LRP1: variants seen among roughly 807,000 people sequenced by gnomAD.
The protein encoded by LRP1 is LDL receptor related protein 1, also known as prolow-density lipoprotein receptor-related protein 1.
LRP1 carries 51 observed loss-of-function variants against 541.5 expected under a neutral mutation model. The ratio of observed to expected loss-of-function variants is 0.09; its 90% CI spans 0.08 to 0.12. The LOEUF is 0.12. Ranked by LOEUF, LRP1 falls within the 10% of genes least tolerant of loss-of-function variation. LRP1 has a pLI of 1.00. For synonymous variants in LRP1, 2,219 were observed against 2,470.8 expected (o/e 0.90, Z 3.02); for missense variants, 3,878 against 6,376.2 (o/e 0.61, Z 13.34).
Position 57,194,970 on chromosome 12 carries a change from T to C in LRP1, c.8192-15T>C. Reference sequence around the variant, plus strand: ...CCACCCTTCCCCATCTAACTGTGGCTTCTGACTGCCCCAGACAAGTTCTGC... The same window carrying C: ...CCACCCTTCCCCATCTAACTGTGGCCTCTGACTGCCCCAGACAAGTTCTGC... On this transcript the variant is annotated splice_polypyrimidine_tract_variant and intron_variant, in intron 50 of 88. Transcript: ENST00000243077. 6.2e-7 allele frequency: 1 copy of C among 1,605,648 alleles called. No individual in the cohort carries two copies. The highest frequency in any genetic ancestry group is 8.5e-7 in the Non-Finnish European group (1 of 1,172,534).
In LRP1 at chr12:57,206,445, C is replaced by T; in HGVS notation, c.11591-28C>T. The stretch of plus-strand genomic sequence containing the variant: ...TGGGGTGCACACCTGCATCCCACAG[C>T]CCCAGCCCTGGCCTCTTGCTTCTCC... On this transcript the variant is annotated intron_variant, in intron 75 of 88. Coordinates refer to ENST00000243077, the MANE Select transcript of LRP1 (RefSeq NM_002332.3). The surrounding 1 kb of genome is among the most constrained non-coding windows in gnomAD (Gnocchi z 4.7). 6.2e-7 allele frequency: 1 copy of T among 1,610,802 alleles called. No homozygotes were observed. The highest frequency in any genetic ancestry group is 8.5e-7 in the Non-Finnish European group (1 of 1,178,208).
chr12:57,199,164 G>A, intron 60 of LRP1, 48 bp from the exon 61 acceptor site: 3 of 1,587,858 alleles, frequency 1.9e-6, no homozygotes, highest in East Asian at 2.2e-5. Context: ...CCGGCACCCT[G>A]TCCGAGCTCC....
chr12:57,176,102 C>T lies in LRP1; in HGVS notation c.3987C>T (p.Asn1329=), dbSNP rs1424640575. 2.5e-6 allele frequency: 4 copies of T among 1,613,718 alleles called. No homozygotes were observed. The highest frequency in any genetic ancestry group is 2.7e-5 in the African/African-American group (2 of 74,944). ...TCTACCGCGGGAAGCTGCTGGACAA[C>T]GGAGGTGACCACCGATTGCTGCCAG... The part of the protein sequence containing the change: ...DKIYRGKLLD[N]GALTSFEVVI... The change falls in exon 24 of 89, where the codon AAC becomes AAT. Residue 1329 remains asparagine (N), a synonymous_variant. Coordinates refer to ENST00000243077, the MANE Select transcript of LRP1 (RefSeq NM_002332.3).
Position 57,209,144 on chromosome 12 carries a change from C to T in LRP1, c.12207C>T (p.Ile4069=), listed in dbSNP as rs367726722. The T allele has an allele frequency of 6.2e-6, 10 of 1,613,984 alleles. No individual in the cohort carries two copies. Among genetic ancestry groups the T allele is most frequent in the African/African-American group, 2.7e-5 (2 of 74,930 alleles). ...GGGCAGACGCCAAGCTTTCAGTCAT[C>T]GGCAGCATCCGGCTCAATGGCACGG... The part of the protein sequence containing the change: ...LYWADAKLSV[I]GSIRLNGTDP... The change falls in exon 79 of 89, where the codon ATC becomes ATT. Residue 4069 remains isoleucine, a synonymous_variant. Coordinates refer to ENST00000243077, the MANE Select transcript of LRP1 (RefSeq NM_002332.3).
intron 1 of LRP1, among the ~76,000 whole-genome samples, chr12:57,133,264 C>T (rs2035076455): frequency 6.6e-6 from 1 of 151,052 alleles, no homozygotes; most frequent in Admixed American, 6.6e-5. Context: ...ATATGGTGAC[C>T]TCTGGAGGCC....
chr12:57,191,099 A>G (rs917027581), intron 43 of LRP1, 90 bp downstream of exon 43: 2 of 1,385,558 alleles, frequency 1.4e-6, no homozygotes, highest in African/African-American at 1.4e-5. Flanking sequence ...AGGCACAGAC[A>G]TGGTGGGAAC....
chr12:57,193,662 G>T lies in LRP1; in HGVS notation c.7781G>T (p.Gly2594Val). The change falls in exon 47 of 89, where the codon GGC (glycine) becomes GTC (valine). Residue 2594 changes from glycine (G) to valine (V), a missense_variant. Gly to Val is a moderately radical substitution (Grantham distance 109). Around this residue, in one of 13 missense-constraint regions of LRP1, gnomAD observed 1,100 missense variants for 1,827.4 expected, o/e 0.60. Coordinates refer to ENST00000243077, the MANE Select transcript of LRP1 (RefSeq NM_002332.3). ...AACGGGGCCGACGACTGTGGGGATG[G>T]CTCTGACGAGATCCCTTGCAACAGT... is the stretch of plus-strand genomic sequence containing the variant. Reference protein sequence around the residue: ...WCNGADDCGDGSDEIPCNKTA... With the variant: ...WCNGADDCGDVSDEIPCNKTA... 2 of 1,614,160 alleles carry T rather than the reference G, an allele frequency of 1.2e-6. No individual in the cohort carries two copies. Among genetic ancestry groups the T allele is most frequent in the Non-Finnish European group, 1.7e-6 (2 of 1,180,030 alleles).
Position 57,204,758 on chromosome 12 carries a change from G to A in LRP1, c.11194+9G>A. On this transcript the variant is annotated intron_variant, in intron 72 of 88. Transcript: ENST00000243077. The surrounding 1 kb of genome is among the most constrained non-coding windows in gnomAD (Gnocchi z 5.3). ...TGATGAAGAGGACTGTGGTGAGCAG[G>A]GGGCCGACGAGAGGCCTGCAGGGGA... The A allele has an allele frequency of 6.2e-7, 1 of 1,613,724 alleles. No individual in the cohort carries two copies. The highest frequency in any genetic ancestry group is 8.5e-7 in the Non-Finnish European group (1 of 1,179,886).
rs948134674 is a variant in LRP1, at chr12:57,182,771, G to A, written c.5663-608G>A. ...GCGGAGGTTGTGGTGAGCCGAGATCGCGTCATTGTACTGCAGCCTGGGGAA... is the reference window on the plus strand; with the variant it reads ...GCGGAGGTTGTGGTGAGCCGAGATCACGTCATTGTACTGCAGCCTGGGGAA... On this transcript the variant is annotated intron_variant, in intron 34 of 88. Coordinates refer to ENST00000243077, the MANE Select transcript of LRP1 (RefSeq NM_002332.3). Among the ~76,000 whole-genome samples, 6 of 152,072 alleles carry A rather than the reference G, an allele frequency of 3.9e-5. No individual in the cohort carries two copies. In the East Asian group the frequency reaches 5.8e-4, roughly 15 times the overall value.
Position 57,205,282 on chromosome 12 carries a change from G to A in LRP1, c.11335+33G>A. The A allele has an allele frequency of 6.3e-7, 1 of 1,599,380 alleles. No individual in the cohort carries two copies. The highest frequency in any genetic ancestry group is 8.5e-7 in the Non-Finnish European group (1 of 1,170,542). ...CCGGCAGCGGACCGGACGCTGGTGGGGAGTGGGGAGAGCCAAGCCCTGGCC... is the reference window on the plus strand; with the variant it reads ...CCGGCAGCGGACCGGACGCTGGTGGAGAGTGGGGAGAGCCAAGCCCTGGCC... On this transcript the variant is annotated intron_variant, in intron 73 of 88. Coordinates refer to ENST00000243077, the MANE Select transcript of LRP1 (RefSeq NM_002332.3). This position sits in a 1 kb window ranked among gnomAD's most constrained non-coding sequence, Gnocchi z 4.6.
Position 57,175,708 on chromosome 12 carries a change from G to T in LRP1, c.3793+3G>T. ...CGGCGAGAGCTGCCGCAGCCTGGGT[G>T]AGACAACAGTGAGGTGTGGTGGGGC... On this transcript the variant is annotated splice_donor_region_variant and intron_variant, in intron 23 of 88. Transcript: ENST00000243077. The T allele has an allele frequency of 6.4e-7, 1 of 1,564,646 alleles. No homozygotes were observed. Among genetic ancestry groups the T allele is most frequent in the South Asian group, 1.2e-5 (1 of 81,920 alleles).
rs34010163 is a variant in LRP1 at position 57,177,947 on chromosome 12, CTTTT to C, written c.4361+372_4361+375del. 1.6e-5 allele frequency among the ~76,000 whole-genome samples: 2 copies of C among 121,364 alleles called. No homozygotes were observed. The highest frequency in any genetic ancestry group is 8.2e-5 in the Admixed American group (1 of 12,136). The allele number at this position is 121,364 out of a possible 152,430, so 79.6% of individuals were successfully genotyped here. A position where few individuals can be genotyped will look rare whatever the true frequency, so the allele number is the denominator to read the frequency against. The stretch of plus-strand genomic sequence containing the variant: ...CCCAGGGAGGGTGCCTTTTTCTTTT[CTTTT>C]TTTTTTTTTTTTTTTGAGACAGAGT... On this transcript the variant is annotated intron_variant, in intron 26 of 88. Coordinates refer to ENST00000243077, the MANE Select transcript of LRP1 (RefSeq NM_002332.3). This position sits in a 1 kb window ranked among gnomAD's most constrained non-coding sequence, Gnocchi z 6.8.
chr12:57,203,655 T>A, intron 70 of LRP1, 134 bp downstream of exon 70: 1 of 1,155,054 alleles, frequency 8.7e-7, no homozygotes, highest in Non-Finnish European at 1.2e-6. Flanking sequence ...ATTTACCATG[T>A]ACCAGGCACT....
In LRP1 at chr12:57,185,562, G is replaced by A; in HGVS notation, c.6495G>A (p.Gly2165=). 1 of 1,591,744 alleles carries A rather than the reference G, an allele frequency of 6.3e-7. No homozygotes were observed. The highest frequency in any genetic ancestry group is 8.6e-7 in the Non-Finnish European group (1 of 1,168,020). The part of the protein sequence containing the change: ...GTNVCAVANG[G]CQQLCLYRGR... ...ACGTGTGCGCGGTGGCCAATGGCGGGTGCCAGCAGCTGTGCCTGTACCGGG... is the reference window on the plus strand; with the variant it reads ...ACGTGTGCGCGGTGGCCAATGGCGGATGCCAGCAGCTGTGCCTGTACCGGG... The change falls in exon 41 of 89, where the codon GGG becomes GGA. Residue 2165 remains glycine, a synonymous_variant. Transcript: ENST00000243077. The surrounding 1 kb of genome is among the most constrained non-coding windows in gnomAD (Gnocchi z 4.9).
At chr12:57,168,288 C>T (rs986449573) in intron 19 of LRP1, 2 of 153,208 alleles carry the variant, frequency 1.3e-5, no homozygotes, top group African/African-American at 4.8e-5. Context: ...TGGCCCCAGC[C>T]CCCTGCAGGT....
At chr12:57,150,355 C>A (rs2035504306) in intron 6 of LRP1, among the ~76,000 whole-genome samples, 1 of 151,956 alleles carries the variant, frequency 6.6e-6, no homozygotes, top group African/African-American at 2.4e-5. Flanking sequence ...CCACGCCTGG[C>A]TAATTTTTTG....
chr12:57,138,309 C>G (rs993983543), intron 1 of LRP1, 150 bp from the exon 2 acceptor site: 2 of 941,512 alleles, frequency 2.1e-6, no homozygotes, highest in Admixed American at 2.3e-5. Context: ...AAAGCCACCC[C>G]CTGACACCCC....
chr12:57,192,943 A>C lies in LRP1; in HGVS notation c.7528A>C (p.Ile2510Leu). 6.2e-7 allele frequency: 1 copy of C among 1,613,764 alleles called. No individual in the cohort carries two copies. Among genetic ancestry groups the C allele is most frequent in the Non-Finnish European group, 8.5e-7 (1 of 1,179,968 alleles). Residue 2510 changes from isoleucine to leucine, a missense_variant, in exon 45 of 89, where the codon ATC (isoleucine) becomes CTC (leucine). Around this residue, in one of 13 missense-constraint regions of LRP1, gnomAD observed 1,100 missense variants for 1,827.4 expected, o/e 0.60. Transcript: ENST00000243077. The part of the protein sequence containing the change: ...HVNCSCRGGR[I>L]LQDDLTCRAV... ...CAACTGCTCATGCCGAGGGGGCCGA[A>C]TCCTCCAGGATGACCTCACCTGCCG...
Position 57,189,437 on chromosome 12 carries a change from C to T in LRP1, c.7032-1368C>T, listed in dbSNP as rs2036331503. Among the ~76,000 whole-genome samples the T allele has an allele frequency of 1.3e-5, 2 of 152,262 alleles. No homozygotes were observed. The highest frequency in any genetic ancestry group is 6.8e-3 in the Middle Eastern group (2 of 294). The stretch of plus-strand genomic sequence containing the variant: ...ACTTACATCCCGATTCCAGAGCCAC[C>T]GCAAACCCCTGCTCTCCTCCAGGAT... On this transcript the variant is annotated intron_variant, in intron 42 of 88. Transcript: ENST00000243077. This position sits in a 1 kb window ranked among gnomAD's most constrained non-coding sequence, Gnocchi z 4.4.
Sources: allele counts gnomAD v4.1 joint callset (sites outside exome capture counted in the v4.1 genomes callset), GRCh38; gene constraint gnomAD v4.1.1; regional missense constraint gnomAD v4.1.1; non-coding constraint Gnocchi (gnomAD v3.1); transcripts MANE v1.5; gene names NCBI Gene and HGNC (gene_info 2026-07-23, HGNC 2026-07-21).